The following BDH1 variants were observed in gnomAD, a reference collection of about 807,000 sequenced individuals.
BDH1 encodes 3-hydroxybutyrate dehydrogenase 1.
Under a neutral mutation model 33.1 loss-of-function variants are expected in BDH1, and 30 were observed. The ratio of observed to expected loss-of-function variants is 0.91; its 90% CI spans 0.68 to 1.23. The LOEUF is 1.23. BDH1 is among the 50% of genes most tolerant of loss of function. The pLI is 0.00. For synonymous variants in BDH1, 190 were observed against 183.6 expected (o/e 1.03, Z -0.28); for missense variants, 443 against 464.4 (o/e 0.95, Z 0.42).
chr3:197,558,159 G>A (rs370158792), upstream of BDH1, among the ~76,000 whole-genome samples: 5 of 152,224 alleles, frequency 3.3e-5, no homozygotes, highest in Admixed American at 1.3e-4. Context: ...CATCTTCCCA[G>A]CCCAGCTTTG....
At chr3:197,536,944 T>C (rs1225051767) in intron 3 of BDH1, among the ~76,000 whole-genome samples, 1 of 152,250 alleles carries the variant, frequency 6.6e-6, no homozygotes, top group Non-Finnish European at 1.5e-5. Context: ...TCTCTTTTTT[T>C]GAGCAACTAC....
rs1553865645 is a variant in BDH1 at position 197,510,599 on chromosome 3, G to GGGGTGTGTGTGT, written c.*1295_*1296insACACACACACCC. ...CCACGCTGAAGCCCTGCAGAACAGGGGTGTGTGTGTGTGTGTGTGTGTGTG... is the reference window on the plus strand; with the variant it reads ...CCACGCTGAAGCCCTGCAGAACAGGGGGGTGTGTGTGTGTGTGTGTGTGTGTGTGTGTGTGTG... On this transcript the variant is annotated 3_prime_UTR_variant, in exon 8 of 8. Coordinates refer to ENST00000392379, the MANE Select transcript of BDH1 (RefSeq NM_203314.3). 2.7e-5 allele frequency: 2 copies of GGGGTGTGTGTGT among 75,376 alleles called. No individual in the cohort carries two copies. Among genetic ancestry groups the GGGGTGTGTGTGT allele is most frequent in the South Asian group, 6.1e-4 (1 of 1,632 alleles). The allele number at this position is 75,376 out of a possible 1,614,324, so 4.7% of individuals were successfully genotyped here. A position where few individuals can be genotyped will look rare whatever the true frequency, so the allele number is the denominator to read the frequency against.
Position 197,512,003 on chromosome 3 carries a change from G to A in BDH1, c.924C>T (p.Ala308=). ...GGTGGTAGCGGGTGTAGGGGGTGGTGGCGGTCAGGGCGTGTGTGACAGCAT... is the reference window on the plus strand; with the variant it reads ...GGTGGTAGCGGGTGTAGGGGGTGGTAGCGGTCAGGGCGTGTGTGACAGCAT... ...VIDAVTHALT[A]TTPYTRYHPM... The change falls in exon 8 of 8, where the codon GCC becomes GCT. Residue 308 remains alanine (A), a synonymous_variant. Coordinates refer to ENST00000392379, the MANE Select transcript of BDH1 (RefSeq NM_203314.3). The A allele has an allele frequency of 6.2e-7, 1 of 1,613,874 alleles. No homozygotes were observed. The highest frequency in any genetic ancestry group is 2.2e-5 in the East Asian group (1 of 44,886).
At position 197,554,939 on chromosome 3, in the gene BDH1, G is replaced by A. The variant is rs943644755; in HGVS notation, c.-195-226C>T. Among the ~76,000 whole-genome samples, 3 of 152,258 alleles carry A rather than the reference G, an allele frequency of 2.0e-5. No individual in the cohort carries two copies. Among genetic ancestry groups the A allele is most frequent in the Non-Finnish European group, 4.4e-5 (3 of 68,038 alleles). On this transcript the variant is annotated intron_variant, in intron 1 of 7. Coordinates refer to ENST00000392379, the MANE Select transcript of BDH1 (RefSeq NM_203314.3). This position sits in a 1 kb window ranked among gnomAD's most constrained non-coding sequence, Gnocchi z 4.4. ...CGAGACGGCGGCGCAGCCAATCCCA[G>A]AGCAGCGCTCCCCAACGGCCGGCCG... is the stretch of plus-strand genomic sequence containing the variant.
chr3:197,521,301 A>ACCC lies in BDH1; in HGVS notation c.409+1338_409+1339insGGG, dbSNP rs1713522357. Reference sequence around the variant, plus strand: ...TCCATCCCCCACTGCTGTATTCTACATGAATGGCACCCCGAGGTTGCAGAC... The same window carrying ACCC: ...TCCATCCCCCACTGCTGTATTCTACACCCTGAATGGCACCCCGAGGTTGCAGAC... On this transcript the variant is annotated intron_variant, in intron 6 of 7. Coordinates refer to ENST00000392379, the MANE Select transcript of BDH1 (RefSeq NM_203314.3). The surrounding 1 kb of genome is among the most constrained non-coding windows in gnomAD (Gnocchi z 4.9). Among the ~76,000 whole-genome samples, 4 of 152,156 alleles carry ACCC rather than the reference A, an allele frequency of 2.6e-5. No homozygotes were observed. The highest frequency in any genetic ancestry group is 5.9e-5 in the Non-Finnish European group (4 of 68,018).
Position 197,510,599 on chromosome 3 carries a change from G to GGGGGTGTGTGTGTGTGT in BDH1, c.*1295_*1296insACACACACACACACCCC, listed in dbSNP as rs1553865645. On this transcript the variant is annotated 3_prime_UTR_variant, in exon 8 of 8. Coordinates refer to ENST00000392379, the MANE Select transcript of BDH1 (RefSeq NM_203314.3). ...CCACGCTGAAGCCCTGCAGAACAGG[G>GGGGGTGTGTGTGTGTGT]GTGTGTGTGTGTGTGTGTGTGTGTG... 1.3e-5 allele frequency: 1 copy of GGGGGTGTGTGTGTGTGT among 75,376 alleles called. No homozygotes were observed. The highest frequency in any genetic ancestry group is 2.4e-5 in the Non-Finnish European group (1 of 41,022). The allele number at this position is 75,376 out of a possible 1,614,324, so 4.7% of individuals were successfully genotyped here.
chr3:197,520,373 A>G lies in BDH1; in HGVS notation c.409+2267T>C, dbSNP rs949531028. Among the ~76,000 whole-genome samples the G allele has an allele frequency of 4.6e-5, 7 of 151,818 alleles. No individual in the cohort carries two copies. Among genetic ancestry groups the G allele is most frequent in the Non-Finnish European group, 1.0e-4 (7 of 68,022 alleles). On this transcript the variant is annotated intron_variant, in intron 6 of 7. Coordinates refer to ENST00000392379, the MANE Select transcript of BDH1 (RefSeq NM_203314.3). This position sits in a 1 kb window ranked among gnomAD's most constrained non-coding sequence, Gnocchi z 6.0. The stretch of plus-strand genomic sequence containing the variant: ...CCGGAATGCCCGGCGTGGGAAAAGC[A>G]GCAGGGAAAGGTCTGCGCGTCAGGC...
At chr3:197,549,989 G>GTATATATATATATATATATATATATATA (rs1716425104) in intron 2 of BDH1, among the ~76,000 whole-genome samples, 2 of 125,302 alleles carry the variant, frequency 1.6e-5, no homozygotes, top group African/African-American at 7.0e-5. Context: ...ATATATATTT[G>GTATATATATATATATATATATATATATA]GCCATTCCTC....
intron 1 of BDH1, among the ~76,000 whole-genome samples, chr3:197,567,029 AG>A (rs1717453889): frequency 6.6e-6 from 1 of 152,082 alleles, no homozygotes; most frequent in African/African-American, 2.4e-5. Context: ...TCGATTTTCC[AG>A]GATTGTTCTT....
chr3:197,519,902 G>A (rs936479201), intron 6 of BDH1, among the ~76,000 whole-genome samples: 3 of 152,124 alleles, frequency 2.0e-5, no homozygotes, highest in Admixed American at 6.5e-5. Context: ...TCTCGCCCCC[G>A]TGGCTGGCTC....
chr3:197,522,247 G>A lies in BDH1; in HGVS notation c.409+393C>T, dbSNP rs1713632197. Among the ~76,000 whole-genome samples the A allele has an allele frequency of 6.6e-6, 1 of 152,144 alleles. No individual in the cohort carries two copies. The highest frequency in any genetic ancestry group is 1.5e-5 in the Non-Finnish European group (1 of 68,022). On this transcript the variant is annotated intron_variant, in intron 6 of 7. Coordinates refer to ENST00000392379, the MANE Select transcript of BDH1 (RefSeq NM_203314.3). The surrounding 1 kb of genome is among the most constrained non-coding windows in gnomAD (Gnocchi z 4.8). ...CCTGTGCTGCTCTGCCTCTCTCAATGCACGGCTCCCTGATTTTGAACTCAG... is the reference window on the plus strand; with the variant it reads ...CCTGTGCTGCTCTGCCTCTCTCAATACACGGCTCCCTGATTTTGAACTCAG...
Position 197,555,937 on chromosome 3 carries a change from G to A in BDH1, c.-352C>T, listed in dbSNP as rs1346128516. 1 of 152,270 alleles carries A rather than the reference G, an allele frequency of 6.6e-6. No homozygotes were observed. Among genetic ancestry groups the A allele is most frequent in the Non-Finnish European group, 1.5e-5 (1 of 68,076 alleles). 9.4% of individuals were successfully genotyped at this position (152,270 alleles called of 1,614,324 possible). A position where few individuals can be genotyped will look rare whatever the true frequency, so the allele number is the denominator to read the frequency against. On this transcript the variant is annotated 5_prime_UTR_variant, in exon 1 of 8. Coordinates refer to ENST00000392379, the MANE Select transcript of BDH1 (RefSeq NM_203314.3). ...AAGCCCCTCCACCAGCACTCCTGCG[G>A]CCTGCGGCCTCCGCCACCCGGACGC...
chr3:197,513,989 A>G (rs192011285), intron 7 of BDH1, among the ~76,000 whole-genome samples: 40 of 152,290 alleles, frequency 2.6e-4, no homozygotes, highest in Admixed American at 1.7e-3. Context: ...GATTCTCTCT[A>G]TAGATTAGGT....
rs757649832 is a variant in BDH1 at position 197,512,277 on chromosome 3, G to T, written c.650C>A (p.Ala217Asp). ...PYCITKFGVE[A>D]FSDCLRYEMY... ...CTCATAGCGCAGGCAGTCCGAGAAA[G>T]CCTCTACCCCGAACTTGGTGATGCA... The change falls in exon 8 of 8, where the codon GCT becomes GAT. Residue 217 changes from alanine to aspartate, a missense_variant. Ala to Asp is a moderately radical substitution (Grantham distance 126). Coordinates refer to ENST00000392379, the MANE Select transcript of BDH1 (RefSeq NM_203314.3). The T allele has an allele frequency of 1.2e-6, 2 of 1,612,898 alleles. No individual in the cohort carries two copies. Among genetic ancestry groups the T allele is most frequent in the Non-Finnish European group, 1.7e-6 (2 of 1,180,024 alleles).
chr3:197,543,978 A>G (rs1715875593), intron 3 of BDH1, among the ~76,000 whole-genome samples: 1 of 152,156 alleles, frequency 6.6e-6, no homozygotes, highest in Admixed American at 6.5e-5. Flanking sequence ...GCCTGCTATG[A>G]GAGGTACTAA....
intron 3 of BDH1, chr3:197,538,158 G>A: frequency 2.6e-6 from 1 of 379,416 alleles, no homozygotes; most frequent in East Asian, 7.4e-5. Flanking sequence ...TTGACAGAAA[G>A]AATAGAGAAA....
intron 2 of BDH1, among the ~76,000 whole-genome samples, chr3:197,548,950 A>C (rs1579987528): frequency 6.6e-6 from 1 of 152,232 alleles, no homozygotes; most frequent in East Asian, 1.9e-4. Flanking sequence ...CGTGTTTCTT[A>C]AACATGCAGC....
chr3:197,532,048 C>T (rs945203838), intron 5 of BDH1, among the ~76,000 whole-genome samples: 7 of 152,210 alleles, frequency 4.6e-5, no homozygotes, highest in Non-Finnish European at 1.0e-4. Context: ...TTCTCGCACA[C>T]CCCTGAGAAT....
At chr3:197,552,104 G>A (rs1053932226) in intron 2 of BDH1, among the ~76,000 whole-genome samples, 6 of 152,116 alleles carry the variant, frequency 3.9e-5, no homozygotes, top group African/African-American at 9.7e-5. Context: ...TGTTTACTAC[G>A]TATCTCAAAT....
Sources: allele counts gnomAD v4.1 joint callset (sites outside exome capture counted in the v4.1 genomes callset), GRCh38; gene constraint gnomAD v4.1.1; non-coding constraint Gnocchi (gnomAD v3.1); transcripts MANE v1.5; gene names NCBI Gene and HGNC (gene_info 2026-07-23, HGNC 2026-07-21).